Variants in ZNF585B observed in about 807,000 individuals in gnomAD.
ZNF585B encodes zinc finger protein 585B.
Under a neutral mutation model 14.0 loss-of-function variants are expected in ZNF585B, and 7 were observed. That is an observed-to-expected ratio of 0.50 (90% CI 0.28 to 0.94). ZNF585B has a LOEUF of 0.94. ZNF585B is among the 40% of genes least tolerant of loss of function. The probability of loss-of-function intolerance (pLI) is 0.09; values close to 1 mark genes in which losing one functional copy is unlikely to be tolerated. For synonymous variants in ZNF585B, 290 were observed against 317.3 expected, an observed-to-expected ratio of 0.91 and a Z score of 0.91; for missense variants, 750 against 924.4, an observed-to-expected ratio of 0.81 and a Z score of 2.45.
intron 2 of ZNF585B, among the ~76,000 whole-genome samples, chr19:37,203,926 C>T (rs112256227): frequency 6.6e-6 from 1 of 152,234 alleles, no homozygotes; most frequent in Non-Finnish European, 1.5e-5. Context: ...CCGCACCCAG[C>T]CTTCAAGAGC....
chr19:37,199,622 G>A (rs1002948974), intron 2 of ZNF585B: 16 of 259,806 alleles, frequency 6.2e-5, no homozygotes, highest in Middle Eastern at 4.4e-4. Flanking sequence ...TGAGCAAAAA[G>A]GATAAAACAA....
intron 2 of ZNF585B, chr19:37,199,326 A>G (rs2145440908): frequency 2.9e-6 from 1 of 348,594 alleles, no homozygotes; most frequent in East Asian, 8.3e-5. Context: ...CAGGAGTTCA[A>G]GACAAGCCTG....
At chr19:37,189,995 C>G in intron 3 of ZNF585B, 29 bp downstream of exon 3, 1 of 1,611,258 alleles carries the variant, frequency 6.2e-7, no homozygotes, top group Non-Finnish European at 8.5e-7. Context: ...GTGAGGCCTC[C>G]TTTCAGATAC....
chr19:37,195,710 G>A (rs916476862), intron 2 of ZNF585B, among the ~76,000 whole-genome samples: 5 of 150,140 alleles, frequency 3.3e-5, no homozygotes, highest in Non-Finnish European at 7.4e-5. Flanking sequence ...TTTTGCCAGA[G>A]AATTCTACCA....
intron 2 of ZNF585B, among the ~76,000 whole-genome samples, chr19:37,205,940 C>T (rs887499965): frequency 6.6e-5 from 10 of 150,378 alleles, no homozygotes; most frequent in African/African-American, 2.2e-4. Context: ...ATTAGCCAGG[C>T]GTGGTGGCTC....
intron 2 of ZNF585B, among the ~76,000 whole-genome samples, chr19:37,194,120 G>A (rs1972434403): frequency 6.6e-6 from 1 of 152,134 alleles, no homozygotes; most frequent in Non-Finnish European, 1.5e-5. Context: ...AATAAGAATG[G>A]CAGAATGTTG....
intron 4 of ZNF585B, among the ~76,000 whole-genome samples, chr19:37,188,441 G>T (rs1972363801): frequency 6.6e-6 from 1 of 152,110 alleles, no homozygotes; most frequent in South Asian, 2.1e-4. Context: ...AGCCGAGATC[G>T]TGCCATTGCA....
intron 2 of ZNF585B, among the ~76,000 whole-genome samples, chr19:37,197,363 C>G (rs1450948543): frequency 1.3e-5 from 2 of 152,112 alleles, no homozygotes; most frequent in African/African-American, 4.8e-5. Flanking sequence ...GCCACATTTT[C>G]TCAATCCAGT....
chr19:37,207,238 C>G lies in ZNF585B; in HGVS notation c.-127G>C. ...AGGAAGGTCTGGCCCAGGGACTCCCCAGAGACACCCAAGAACCTAGAAAAA... is the reference window on the plus strand; with the variant it reads ...AGGAAGGTCTGGCCCAGGGACTCCCGAGAGACACCCAAGAACCTAGAAAAA... On this transcript the variant is annotated 5_prime_UTR_variant, in exon 2 of 5. Coordinates refer to ENST00000532828, the MANE Select transcript of ZNF585B (RefSeq NM_152279.4). 3 of 1,501,972 alleles carry G rather than the reference C, an allele frequency of 2.0e-6. No homozygotes were observed. Among genetic ancestry groups the G allele is most frequent in the Non-Finnish European group, 2.7e-6 (3 of 1,128,874 alleles). The allele number at this position is 1,501,972 out of a possible 1,614,324, so 93.0% of individuals were successfully genotyped here.
chr19:37,191,556 T>C (rs1972400630), intron 2 of ZNF585B, among the ~76,000 whole-genome samples: 3 of 151,770 alleles, frequency 2.0e-5, no homozygotes, highest in Admixed American at 2.0e-4. Context: ...AGGTGGAGTT[T>C]GCAGTGAGCT....
At chr19:37,206,301 A>C (rs1354800152) in intron 2 of ZNF585B, among the ~76,000 whole-genome samples, 1 of 151,790 alleles carries the variant, frequency 6.6e-6, no homozygotes, top group Non-Finnish European at 1.5e-5. Context: ...AAAATACAAA[A>C]TTAGCCGAAC....
At position 37,187,048 on chromosome 19, in the gene ZNF585B, A is replaced by C. The variant is rs543691767; in HGVS notation, c.489T>G (p.Cys163Trp). ...CTGGCTTCTGTACAAAAGCCCTCCC[A>C]CATTCAATACATACATAGAGTTTTT... ...TGEKLYVCIE[C>W]GRAFVQKPEF... Residue 163 changes from cysteine (C) to tryptophan (W), a missense_variant, in exon 5 of 5, where the codon TGT becomes TGG. By Grantham distance (215) the Cys-to-Trp change is radical. Transcript: ENST00000532828. 5 of 1,613,126 alleles carry C rather than the reference A, an allele frequency of 3.1e-6. No individual in the cohort carries two copies. The African/African-American group carries it at 5.3e-5, about 17-fold the overall frequency.
rs1972334784 is a variant in ZNF585B at position 37,186,470 on chromosome 19, C to T, written c.1067G>A (p.Cys356Tyr). 2 of 1,614,176 alleles carry T rather than the reference C, an allele frequency of 1.2e-6. No individual in the cohort carries two copies. The highest frequency in any genetic ancestry group is 1.7e-6 in the Non-Finnish European group (2 of 1,180,032). The change falls in exon 5 of 5, where the codon TGT becomes TAT. Residue 356 changes from cysteine (C) to tyrosine (Y), a missense_variant. Physicochemically the swap from Cys to Tyr is radical, Grantham distance 194. This residue lies in a region of ZNF585B where 517 missense variants were observed against 570.3 expected (regional missense o/e 0.91). Coordinates refer to ENST00000532828, the MANE Select transcript of ZNF585B (RefSeq NM_152279.4). ...KIQSREKSSI[C>Y]TECGKAFTYR... ...GGTAAAGGCCTTCCCACACTCAGTA[C>T]ATATGGAAGATTTCTCTCTACTTTG...
chr19:37,202,020 CTCTTTTTTT>C (rs1972535721), intron 2 of ZNF585B, among the ~76,000 whole-genome samples: 1 of 152,008 alleles, frequency 6.6e-6, no homozygotes, highest in African/African-American at 2.4e-5. Context: ...TTTTCATCTA[CTCTTTTTTT>C]TCTTTTTTGA....
Position 37,185,060 on chromosome 19 carries a change from C to T in ZNF585B, c.*167G>A, listed in dbSNP as rs1972316789. On this transcript the variant is annotated 3_prime_UTR_variant, in exon 5 of 5. Coordinates refer to ENST00000532828, the MANE Select transcript of ZNF585B (RefSeq NM_152279.4). ...GGATGGTGACAATGTAGGAAGGGTCCCTCGCCTCATTCAGTGCCTTCTCAG... is the reference window on the plus strand; with the variant it reads ...GGATGGTGACAATGTAGGAAGGGTCTCTCGCCTCATTCAGTGCCTTCTCAG... 3 of 662,920 alleles carry T rather than the reference C, an allele frequency of 4.5e-6. No individual in the cohort carries two copies. The highest frequency in any genetic ancestry group is 7.6e-6 in the Non-Finnish European group (3 of 395,764). The allele number at this position is 662,920 out of a possible 1,614,324, so 41.1% of individuals were successfully genotyped here.
At chr19:37,205,730 AAGAT>A (rs1196849425) in intron 2 of ZNF585B, among the ~76,000 whole-genome samples, 1 of 152,206 alleles carries the variant, frequency 6.6e-6, no homozygotes, top group Non-Finnish European at 1.5e-5. Flanking sequence ...GCCTATTCAA[AAGAT>A]TAAACTATTC....
At position 37,186,528 on chromosome 19, in the gene ZNF585B, T is replaced by C. The variant is rs199911541; in HGVS notation, c.1009A>G (p.Asn337Asp). 19 of 1,614,144 alleles carry C rather than the reference T, an allele frequency of 1.2e-5. No homozygotes were observed. Among genetic ancestry groups the C allele is most frequent in the Non-Finnish European group, 1.6e-5 (19 of 1,180,048 alleles). The change falls in exon 5 of 5, where the codon AAT (asparagine) becomes GAT (aspartate). Residue 337 changes from asparagine (N) to aspartate (D), a missense_variant. Physicochemically the swap from Asn to Asp is conservative, Grantham distance 23. This residue lies in a region of ZNF585B where 517 missense variants were observed against 570.3 expected (regional missense o/e 0.91). Transcript: ENST00000532828. ...ICTEYGKVFS[N>D]NSNLITHEKI... ...TCATGTGTAATGAGGTTGGAATTAT[T>C]GCTGAAGACCTTCCCATATTCGGTA...
intron 1 of ZNF585B, among the ~76,000 whole-genome samples, chr19:37,208,846 G>C (rs1568513302): frequency 6.6e-6 from 1 of 152,024 alleles, no homozygotes; most frequent in Admixed American, 6.6e-5. Flanking sequence ...ACAAAAATTA[G>C]CCAGGCGTGG....
At chr19:37,190,726 C>A (rs774065531) in intron 2 of ZNF585B, among the ~76,000 whole-genome samples, 1 of 151,532 alleles carries the variant, frequency 6.6e-6, no homozygotes, top group Admixed American at 6.6e-5. Flanking sequence ...CCACCATACC[C>A]GGCTAAATTT....
Sources: gnomAD v4.1 joint callset for allele counts (sites outside exome capture counted in the v4.1 genomes callset) on GRCh38, gnomAD v4.1.1 for gene constraint, gnomAD v4.1.1 regional missense constraint, MANE v1.5 for transcripts, NCBI Gene and HGNC (gene_info 2026-07-23, HGNC 2026-07-21) for gene names.